The following FOXP2 variants were observed in gnomAD, a reference collection of about 807,000 sequenced individuals.
FOXP2 encodes forkhead box P2.
FOXP2 carries 12 observed loss-of-function variants against 115.8 expected under a neutral mutation model. The observed-to-expected ratio is 0.10, with a 90% CI of 0.07 to 0.17. FOXP2 has a LOEUF of 0.17. Among genes scored for constraint, FOXP2 ranks in the 10% least tolerant of loss-of-function variants. The probability of loss-of-function intolerance (pLI) is 1.00; values close to 1 mark genes in which losing one functional copy is unlikely to be tolerated. For missense variants in FOXP2, 629 were observed against 843.5 expected (o/e 0.75, Z 3.15); for synonymous variants, 328 against 297.7 (o/e 1.10, Z -1.05).
At chr7:114,509,879 T>C (rs550006449) in intron 2 of FOXP2, among the ~76,000 whole-genome samples, 1 of 148,776 alleles carries the variant, frequency 6.7e-6, no homozygotes, top group South Asian at 2.1e-4. Flanking sequence ...GGTGAATTAA[T>C]GAAGAGTTGA....
At chr7:114,237,848 G>A (rs1795052090) in intron 1 of FOXP2, among the ~76,000 whole-genome samples, 2 of 151,948 alleles carry the variant, frequency 1.3e-5, no homozygotes, top group South Asian at 4.1e-4. Context: ...GGTGGTGGGT[G>A]CCTGTGGTGC....
intron 2 of FOXP2, among the ~76,000 whole-genome samples, chr7:114,340,977 G>A (rs1259940467): frequency 2.0e-5 from 3 of 151,092 alleles, no homozygotes; most frequent in Admixed American, 6.6e-5. Flanking sequence ...AGTGCTTAAT[G>A]TACTGTAGTT....
intron 2 of FOXP2, among the ~76,000 whole-genome samples, chr7:114,303,611 C>G (rs1339381070): frequency 6.7e-6 from 1 of 148,892 alleles, no homozygotes; most frequent in Non-Finnish European, 1.5e-5. Context: ...GAGTTTTACT[C>G]CTTCTGTGTT....
At chr7:114,325,325 A>AT (rs1797528108) in intron 2 of FOXP2, among the ~76,000 whole-genome samples, 1 of 151,786 alleles carries the variant, frequency 6.6e-6, no homozygotes, top group Non-Finnish European at 1.5e-5. Context: ...ATAGTCTTCC[A>AT]TTTTTTCCCC....
At chr7:114,526,002 C>T (rs935106545) in intron 2 of FOXP2, among the ~76,000 whole-genome samples, 1 of 151,756 alleles carries the variant, frequency 6.6e-6, no homozygotes, top group Non-Finnish European at 1.5e-5. Flanking sequence ...ATCACAGCTA[C>T]TTGGGAGGCT....
chr7:114,637,660 A>T (rs990753047), intron 6 of FOXP2, among the ~76,000 whole-genome samples: 1 of 152,164 alleles, frequency 6.6e-6, no homozygotes, highest in African/African-American at 2.4e-5. Flanking sequence ...TAGAAGGCAG[A>T]TGATAAATAA....
chr7:114,692,712 T>C lies in FOXP2; in HGVS notation c.*2786T>C, dbSNP rs1184870847. 2.2e-6 allele frequency: 1 copy of C among 446,042 alleles called. No homozygotes were observed. Among genetic ancestry groups the C allele is most frequent in the African/African-American group, 2.0e-5 (1 of 49,672 alleles). 27.6% of individuals were successfully genotyped at this position (446,042 alleles called of 1,614,324 possible). On this transcript the variant is annotated 3_prime_UTR_variant, in exon 17 of 17. Coordinates refer to ENST00000350908, the MANE Select transcript of FOXP2 (RefSeq NM_014491.4). ...AATGTCTGACAATTTAAATGGCTCA[T>C]GTATTCTTGCTTCTATCATAAGCTG...
At chr7:114,379,544 C>T (rs1047219931) in intron 2 of FOXP2, among the ~76,000 whole-genome samples, 21 of 152,018 alleles carry the variant, frequency 1.4e-4, no homozygotes, top group African/African-American at 2.2e-4. Context: ...GGGGTGCCTT[C>T]GACATCATTA....
At chr7:114,539,118 C>G (rs1049678152) in intron 3 of FOXP2, among the ~76,000 whole-genome samples, 1 of 151,616 alleles carries the variant, frequency 6.6e-6, no homozygotes, top group Non-Finnish European at 1.5e-5. Context: ...GCTGACAAAA[C>G]CAGAAATTCT....
chr7:114,375,947 A>T (rs1338006248), intron 2 of FOXP2, among the ~76,000 whole-genome samples: 1 of 152,142 alleles, frequency 6.6e-6, no homozygotes, highest in East Asian at 1.9e-4. Flanking sequence ...TTGCAAAAGG[A>T]CTTGCAAGAT....
intron 2 of FOXP2, among the ~76,000 whole-genome samples, chr7:114,312,813 G>C (rs1011928417): frequency 6.6e-6 from 1 of 152,184 alleles, no homozygotes; most frequent in Non-Finnish European, 1.5e-5. Flanking sequence ...AAGCTAGCCT[G>C]CTCTTTGTCT....
At chr7:114,161,877 G>C (rs1276447872), upstream of FOXP2, among the ~76,000 whole-genome samples, 1 of 151,918 alleles carries the variant, frequency 6.6e-6, no homozygotes, top group African/African-American at 2.4e-5. Context: ...TTGCCTCCTG[G>C]GTTCATGCAA....
chr7:114,625,659 G>A (rs1003603692), intron 3 of FOXP2, among the ~76,000 whole-genome samples: 1 of 151,696 alleles, frequency 6.6e-6, no homozygotes, highest in African/African-American at 2.4e-5. Context: ...GAAATGTGTC[G>A]CTTAAAATGA....
intron 2 of FOXP2, among the ~76,000 whole-genome samples, chr7:114,313,304 C>T (rs866810661): frequency 6.6e-6 from 1 of 152,150 alleles, no homozygotes; most frequent in Admixed American, 6.5e-5. Context: ...ACTTTTAGGA[C>T]ATTAATCTAA....
chr7:114,597,675 A>G (rs1399207366), intron 3 of FOXP2, among the ~76,000 whole-genome samples: 1 of 152,102 alleles, frequency 6.6e-6, no homozygotes, highest in Non-Finnish European at 1.5e-5. Context: ...ACCTACATCC[A>G]TTCCCCAAAC....
intron 2 of FOXP2, among the ~76,000 whole-genome samples, chr7:114,323,320 C>A (rs1357300222): frequency 1.3e-5 from 2 of 152,040 alleles, no homozygotes; most frequent in African/African-American, 4.8e-5. Context: ...CAGTACATTG[C>A]CTTTGTCATA....
At chr7:114,432,688 T>C (rs1794168539) in intron 2 of FOXP2, among the ~76,000 whole-genome samples, 1 of 151,940 alleles carries the variant, frequency 6.6e-6, no homozygotes, top group Non-Finnish European at 1.5e-5. Context: ...GGGCCTTCTA[T>C]TTACTTGAAG....
intron 1 of FOXP2, among the ~76,000 whole-genome samples, chr7:114,107,917 T>C (rs1369628206): frequency 6.6e-6 from 1 of 151,966 alleles, no homozygotes; most frequent in African/African-American, 2.4e-5. Flanking sequence ...AGGTCAACTT[T>C]AGTAAAATTT....
At chr7:114,125,439 CT>C in intron 1 of FOXP2, among the ~76,000 whole-genome samples, 1 of 152,194 alleles carries the variant, frequency 6.6e-6, no homozygotes, top group Admixed American at 6.6e-5. Flanking sequence ...TGAATCTTCT[CT>C]TTTGGACTTG....
Sources: gnomAD v4.1 joint callset for allele counts (sites outside exome capture counted in the v4.1 genomes callset) on GRCh38, gnomAD v4.1.1 for gene constraint, MANE v1.5 for transcripts, NCBI Gene and HGNC (gene_info 2026-07-23, HGNC 2026-07-21) for gene names.